Variants in SIM2 observed in about 807,000 individuals in gnomAD.
SIM2 encodes SIM bHLH transcription factor 2, also known as single-minded homolog 2.
SIM2 carries 28 observed loss-of-function variants against 64.8 expected under a neutral mutation model. The ratio of observed to expected loss-of-function variants is 0.43; its 90% CI spans 0.32 to 0.59. SIM2 has a LOEUF of 0.59. Ranked by LOEUF, SIM2 falls within the 20% of genes least tolerant of loss-of-function variation. The pLI, the probability that SIM2 is intolerant of heterozygous loss-of-function variation, is 0.07. For synonymous variants in SIM2, 408 were observed against 391.1 expected, an observed-to-expected ratio of 1.04 and a Z score of -0.51; for missense variants, 847 against 871.4, an observed-to-expected ratio of 0.97 and a Z score of 0.35.
At chr21:36,707,382 C>G (rs1417355317) in intron 1 of SIM2, among the ~76,000 whole-genome samples, 1 of 152,024 alleles carries the variant, frequency 6.6e-6, no homozygotes, top group Non-Finnish European at 1.5e-5. Context: ...GGTGGTGATG[C>G]GGGGTGAGCG....
chr21:36,708,289 G>C (rs1027250802), intron 1 of SIM2, among the ~76,000 whole-genome samples: 10 of 152,262 alleles, frequency 6.6e-5, no homozygotes, highest in African/African-American at 2.4e-4. Flanking sequence ...GGGAAGCCTG[G>C]GGTCTCGCGG....
chr21:36,707,719 G>A (rs2088605698), intron 1 of SIM2, among the ~76,000 whole-genome samples: 1 of 151,992 alleles, frequency 6.6e-6, no homozygotes, highest in Non-Finnish European at 1.5e-5. Context: ...TGCCCAGGGC[G>A]TTCCCGGGGA....
At chr21:36,742,492 A>G (rs1282190618) in intron 8 of SIM2, among the ~76,000 whole-genome samples, 1 of 151,590 alleles carries the variant, frequency 6.6e-6, no homozygotes, top group Admixed American at 6.6e-5. Flanking sequence ...TCCTGGCTTC[A>G]AGTGATCCTC....
chr21:36,723,240 TA>T, intron 5 of SIM2, 110 bp downstream of exon 5: 4 of 837,272 alleles, frequency 4.8e-6, no homozygotes, highest in Non-Finnish European at 8.2e-6. Context: ...TCATCCCCAC[TA>T]ATGTAGAGCT....
In SIM2 at chr21:36,709,151, T is replaced by C; in HGVS notation, c.176-17T>C. 6.2e-7 allele frequency: 1 copy of C among 1,602,628 alleles called. No homozygotes were observed. Among genetic ancestry groups the C allele is most frequent in the South Asian group, 1.1e-5 (1 of 88,916 alleles). ...TGGGCGCTGCAGTTTACCGATTTGC[T>C]TTCGTCCCTCGTCCAGGTTTAGGAG... On this transcript the variant is annotated splice_polypyrimidine_tract_variant and intron_variant, in intron 1 of 10. Transcript: ENST00000290399.
Position 36,745,021 on chromosome 21 carries a change from T to C in SIM2, c.1461T>C (p.Gly487=), listed in dbSNP as rs1380235289. The change falls in exon 10 of 11, where the codon GGT becomes GGC. Residue 487 remains glycine, a synonymous_variant. Transcript: ENST00000290399. The surrounding 1 kb of genome is among the most constrained non-coding windows in gnomAD (Gnocchi z 4.8). Reference sequence around the variant, plus strand: ...TCCTGAGCACACTGCCAGCCAGCGGTGAATGCCAGTGGCATTATGCCAACC... The same window carrying C: ...TCCTGAGCACACTGCCAGCCAGCGGCGAATGCCAGTGGCATTATGCCAACC... ...RFFLSTLPAS[G]ECQWHYANPL... 11 of 1,614,036 alleles carry C rather than the reference T, an allele frequency of 6.8e-6. No individual in the cohort carries two copies. Among genetic ancestry groups the C allele is most frequent in the Non-Finnish European group, 9.3e-6 (11 of 1,180,002 alleles).
intron 4 of SIM2, 192 bp downstream of exon 4, chr21:36,720,121 A>G (rs1404529899): frequency 1.7e-6 from 1 of 579,034 alleles, no homozygotes; most frequent in East Asian, 2.8e-5. Flanking sequence ...CTTTTAAGCC[A>G]ATATTCATCA....
chr21:36,717,315 C>T (rs957875794), intron 3 of SIM2, among the ~76,000 whole-genome samples: 1 of 152,156 alleles, frequency 6.6e-6, no homozygotes, highest in Non-Finnish European at 1.5e-5. Context: ...CAGAATTATT[C>T]TTTTTCCCTG....
intron 3 of SIM2, among the ~76,000 whole-genome samples, chr21:36,715,414 A>T (rs2088733977): frequency 2.0e-5 from 3 of 152,226 alleles, no homozygotes. Flanking sequence ...TGTATCAAGC[A>T]TGAGACCTTT....
intron 6 of SIM2, among the ~76,000 whole-genome samples, chr21:36,727,592 C>A (rs1464067093): frequency 6.6e-6 from 1 of 152,154 alleles, no homozygotes; most frequent in Non-Finnish European, 1.5e-5. Context: ...AACAGTGAAG[C>A]CTCTCTTACC....
intron 1 of SIM2, among the ~76,000 whole-genome samples, chr21:36,707,837 A>C (rs955792429): frequency 2.0e-5 from 3 of 151,904 alleles, no homozygotes; most frequent in Admixed American, 6.5e-5. Flanking sequence ...GATCTCCAGG[A>C]TCTCCACGGC....
rs189006951 is a variant in SIM2 at position 36,741,585 on chromosome 21, C to T, written c.851-132C>T. On this transcript the variant is annotated intron_variant, in intron 7 of 10. Transcript: ENST00000290399. ...CGAGACGCACACAGACATGCACCCT[C>T]CAGCGGAGAAAGCCCGCCCCCTTTG... The T allele has an allele frequency of 7.8e-4, 747 of 959,266 alleles. 3 individuals are homozygous for T. The African/African-American group carries it at 9.8e-3, about 13-fold the overall frequency. The allele number at this position is 959,266 out of a possible 1,614,324, so 59.4% of individuals were successfully genotyped here. A position where few individuals can be genotyped will look rare whatever the true frequency, so the allele number is the denominator to read the frequency against.
At position 36,699,666 on chromosome 21, in the gene SIM2, C is replaced by G. The variant is rs1023554350; in HGVS notation, c.-81C>G. On this transcript the variant is annotated 5_prime_UTR_variant, in exon 1 of 11. Coordinates refer to ENST00000290399, the MANE Select transcript of SIM2 (RefSeq NM_005069.6). This position sits in a 1 kb window ranked among gnomAD's most constrained non-coding sequence, Gnocchi z 5.6. Reference sequence around the variant, plus strand: ...CACCTGGCTCCCGGCTCCCCCTTCCCCATCCCCGCCGCCGCAGCCCGAGCG... The same window carrying G: ...CACCTGGCTCCCGGCTCCCCCTTCCGCATCCCCGCCGCCGCAGCCCGAGCG... 2 of 1,507,790 alleles carry G rather than the reference C, an allele frequency of 1.3e-6. No homozygotes were observed. The highest frequency in any genetic ancestry group is 2.9e-5 in the African/African-American group (2 of 69,544). 93.4% of individuals were successfully genotyped at this position (1,507,790 alleles called of 1,614,324 possible).
At chr21:36,727,973 G>A (rs1349782006) in intron 6 of SIM2, among the ~76,000 whole-genome samples, 1 of 152,140 alleles carries the variant, frequency 6.6e-6, no homozygotes. Context: ...AGGGTCACCA[G>A]CATCTTCCCA....
At chr21:36,717,506 G>A (rs1362704370) in intron 3 of SIM2, among the ~76,000 whole-genome samples, 3 of 143,660 alleles carry the variant, frequency 2.1e-5, no homozygotes, top group Admixed American at 7.2e-5. Flanking sequence ...GGAGTGCAGT[G>A]GTGCGATGTC....
chr21:36,733,267 C>T (rs1445182643), intron 7 of SIM2, among the ~76,000 whole-genome samples: 2 of 152,138 alleles, frequency 1.3e-5, no homozygotes, highest in Non-Finnish European at 2.9e-5. Context: ...CTCTGTTGCC[C>T]AGGCTGGAGT....
intron 3 of SIM2, among the ~76,000 whole-genome samples, chr21:36,714,843 C>G (rs2088724470): frequency 6.6e-6 from 1 of 152,288 alleles, no homozygotes; most frequent in Admixed American, 6.5e-5. Context: ...AATCTGCCTC[C>G]GGTTCGTGAT....
At chr21:36,720,978 G>T (rs1458309618) in intron 4 of SIM2, among the ~76,000 whole-genome samples, 1 of 152,228 alleles carries the variant, frequency 6.6e-6, no homozygotes, top group Non-Finnish European at 1.5e-5. Context: ...GTAGCTGGCT[G>T]CAGGAAAAAC....
At chr21:36,720,050 C>A (rs2088804059) in intron 4 of SIM2, 121 bp downstream of exon 4, 1 of 682,252 alleles carries the variant, frequency 1.5e-6, no homozygotes, top group Admixed American at 2.4e-5. Flanking sequence ...ACTGCCCAGC[C>A]CAGGTCTCTC....
Sources: allele counts gnomAD v4.1 joint callset (sites outside exome capture counted in the v4.1 genomes callset), GRCh38; gene constraint gnomAD v4.1.1; non-coding constraint Gnocchi (gnomAD v3.1); transcripts MANE v1.5; gene names NCBI Gene and HGNC (gene_info 2026-07-23, HGNC 2026-07-21).